UNC5D: variants seen among roughly 807,000 people sequenced by gnomAD.
UNC5D encodes netrin receptor UNC5D.
A neutral mutation model predicts 105.4 loss-of-function variants in UNC5D; 39 were observed. The observed-to-expected ratio is 0.37, with a 90% CI of 0.29 to 0.48. The LOEUF (loss-of-function observed/expected upper bound fraction) is 0.48. Among genes scored for constraint, UNC5D ranks in the 20% least tolerant of loss-of-function variants. The pLI is 0.98. For missense variants in UNC5D, 991 were observed against 1,202.4 expected, an observed-to-expected ratio of 0.82 and a Z score of 2.60; for synonymous variants, 452 against 450.4, an observed-to-expected ratio of 1.00 and a Z score of -0.04.
At chr8:35,369,923 A>G (rs1012517107) in intron 1 of UNC5D, among the ~76,000 whole-genome samples, 3 of 151,872 alleles carry the variant, frequency 2.0e-5, no homozygotes, top group Admixed American at 2.0e-4. Flanking sequence ...CTGTGTTGCA[A>G]TTTTCTCTTT....
Position 35,327,158 on chromosome 8 carries a change from C to G in UNC5D, c.103+91271C>G, listed in dbSNP as rs962226519. On this transcript the variant is annotated intron_variant, in intron 1 of 16. Coordinates refer to ENST00000404895, the MANE Select transcript of UNC5D (RefSeq NM_080872.4). ...GGAATCTCCTGTTAAAATTAGATGC[C>G]CACTGAGTTCTGCAACATATAGCTG... Among the ~76,000 whole-genome samples the G allele has an allele frequency of 1.3e-5, 2 of 152,208 alleles. 1 individual carries two copies. Among genetic ancestry groups the G allele is most frequent in the South Asian group, 4.2e-4 (2 of 4,814 alleles).
At chr8:35,407,882 T>G (rs183388430) in intron 1 of UNC5D, among the ~76,000 whole-genome samples, 283 of 152,288 alleles carry the variant, frequency 1.9e-3, no homozygotes, top group African/African-American at 6.2e-3. Flanking sequence ...TTCTTTTTTA[T>G]GGCTGCATAG....
At chr8:35,631,375 C>T (rs1822033252) in intron 4 of UNC5D, among the ~76,000 whole-genome samples, 1 of 152,086 alleles carries the variant, frequency 6.6e-6, no homozygotes, top group Non-Finnish European at 1.5e-5. Context: ...AAATGAGACT[C>T]AGAGAGGCCT....
intron 8 of UNC5D, among the ~76,000 whole-genome samples, chr8:35,715,562 T>G (rs2131505574): frequency 6.6e-6 from 1 of 152,324 alleles, no homozygotes; most frequent in South Asian, 2.1e-4. Context: ...ATGCTTGAAG[T>G]TCTTGTAGAA....
intron 4 of UNC5D, among the ~76,000 whole-genome samples, chr8:35,682,747 A>C (rs1181710536): frequency 6.6e-6 from 1 of 152,210 alleles, no homozygotes; most frequent in Non-Finnish European, 1.5e-5. Context: ...TCAAGGAAAG[A>C]GAAGTTTGGA....
At chr8:35,432,675 C>T (rs765343596) in intron 1 of UNC5D, among the ~76,000 whole-genome samples, 34 of 152,224 alleles carry the variant, frequency 2.2e-4, no homozygotes, top group Middle Eastern at 3.4e-3. Context: ...GCTGGAAAAA[C>T]GGGTCCCTCA....
intron 1 of UNC5D, among the ~76,000 whole-genome samples, chr8:35,274,901 C>G (rs545059917): frequency 6.6e-6 from 1 of 151,980 alleles, no homozygotes; most frequent in South Asian, 2.1e-4. Flanking sequence ...ACCAGCCTGG[C>G]CAACATGGTG....
At chr8:35,783,032 A>G (rs1029650435) in intron 16 of UNC5D, among the ~76,000 whole-genome samples, 1 of 151,954 alleles carries the variant, frequency 6.6e-6, no homozygotes, top group African/African-American at 2.4e-5. Flanking sequence ...GGTCCTAGCT[A>G]CTTGAGCGGC....
chr8:35,541,517 C>T (rs1477138238), intron 1 of UNC5D, among the ~76,000 whole-genome samples: 2 of 152,304 alleles, frequency 1.3e-5, no homozygotes, highest in East Asian at 3.9e-4. Context: ...TTCTCTCTTA[C>T]CTTTTAATCT....
intron 1 of UNC5D, among the ~76,000 whole-genome samples, chr8:35,263,162 C>T (rs1244516079): frequency 1.3e-5 from 2 of 152,144 alleles, no homozygotes. Context: ...CTGACAAACT[C>T]CTATTTAACC....
intron 1 of UNC5D, among the ~76,000 whole-genome samples, chr8:35,264,460 G>A (rs1804701484): frequency 1.3e-5 from 2 of 152,204 alleles, no homozygotes; most frequent in South Asian, 4.1e-4. Flanking sequence ...GGGTGCAGTG[G>A]CTCATGCCTG....
intron 4 of UNC5D, among the ~76,000 whole-genome samples, chr8:35,634,429 G>A (rs960998849): frequency 6.6e-6 from 1 of 152,188 alleles, no homozygotes; most frequent in Non-Finnish European, 1.5e-5. Context: ...ACTAATGGGA[G>A]TGCTAAAATG....
chr8:35,615,036 G>GCC (rs1563594272), intron 4 of UNC5D, among the ~76,000 whole-genome samples: 12 of 35,912 alleles, frequency 3.3e-4, no homozygotes, highest in South Asian at 3.9e-3. Flanking sequence ...ATAGTGAGGG[G>GCC]CCCCCCCCCC....
At chr8:35,719,523 G>A (rs1013435828) in intron 8 of UNC5D, among the ~76,000 whole-genome samples, 1 of 152,166 alleles carries the variant, frequency 6.6e-6, no homozygotes, top group Non-Finnish European at 1.5e-5. Flanking sequence ...AGTGTAAAAT[G>A]TGGCTTTGAG....
intron 15 of UNC5D, among the ~76,000 whole-genome samples, chr8:35,768,581 T>C (rs980048362): frequency 1.3e-5 from 2 of 152,178 alleles, no homozygotes; most frequent in Admixed American, 6.5e-5. Context: ...TGAGTTCGGG[T>C]TTAAAGGTTA....
intron 1 of UNC5D, among the ~76,000 whole-genome samples, chr8:35,278,323 C>T (rs1805913419): frequency 6.6e-6 from 1 of 152,176 alleles, no homozygotes; most frequent in South Asian, 2.1e-4. Flanking sequence ...ACAACCTTCC[C>T]AGGTGCACGC....
chr8:35,593,274 A>T (rs1043516557), intron 3 of UNC5D, among the ~76,000 whole-genome samples: 5 of 152,068 alleles, frequency 3.3e-5, no homozygotes, highest in Admixed American at 3.3e-4. Flanking sequence ...TTCTATTTCT[A>T]TTGATCAAAG....
At chr8:35,305,433 C>T (rs947697845) in intron 1 of UNC5D, among the ~76,000 whole-genome samples, 1 of 152,048 alleles carries the variant, frequency 6.6e-6, no homozygotes, top group African/African-American at 2.4e-5. Flanking sequence ...CCAACCCAGA[C>T]ACCCAGGAAA....
chr8:35,315,010 G>A (rs537850379), intron 1 of UNC5D, among the ~76,000 whole-genome samples: 11 of 152,266 alleles, frequency 7.2e-5, no homozygotes, highest in African/African-American at 2.6e-4. Flanking sequence ...AGTATTCCAG[G>A]TTGGTAAACT....
Sources: gnomAD v4.1 joint callset for allele counts (sites outside exome capture counted in the v4.1 genomes callset) on GRCh38, gnomAD v4.1.1 for gene constraint, MANE v1.5 for transcripts, NCBI Gene and HGNC (gene_info 2026-07-23, HGNC 2026-07-21) for gene names.